The following DCLK2 variants were observed in gnomAD, a reference collection of about 807,000 sequenced individuals.
DCLK2 encodes the protein serine/threonine-protein kinase DCLK2.
A neutral mutation model predicts 78.4 loss-of-function variants in DCLK2; 31 were observed. The observed-to-expected ratio is 0.40, with a 90% CI of 0.30 to 0.53. DCLK2 has a LOEUF of 0.53. Among genes scored for constraint, DCLK2 ranks in the 20% least tolerant of loss-of-function variants. The pLI is 0.61. For missense variants in DCLK2, 872 were observed against 973.7 expected (o/e 0.90, Z 1.39); for synonymous variants, 407 against 374.9 (o/e 1.09, Z -0.99).
chr4:150,224,844 G>A (rs945224027), intron 8 of DCLK2, among the ~76,000 whole-genome samples: 1 of 152,194 alleles, frequency 6.6e-6, no homozygotes, highest in Non-Finnish European at 1.5e-5. Context: ...GGTGCGTCAA[G>A]AACTCTGAGG....
At chr4:150,150,568 A>G (rs1734812597) in intron 2 of DCLK2, among the ~76,000 whole-genome samples, 1 of 152,234 alleles carries the variant, frequency 6.6e-6, no homozygotes, top group Non-Finnish European at 1.5e-5. Flanking sequence ...TGATAAATGT[A>G]GCATTTATTT....
At chr4:150,137,144 C>A in intron 2 of DCLK2, among the ~76,000 whole-genome samples, 1 of 151,892 alleles carries the variant, frequency 6.6e-6, no homozygotes, top group East Asian at 1.9e-4. Context: ...CATGCCCAGT[C>A]TATTTATTAT....
chr4:150,247,778 G>A (rs1743444914), intron 13 of DCLK2, 79 bp downstream of exon 13: 2 of 1,100,994 alleles, frequency 1.8e-6, no homozygotes, highest in Non-Finnish European at 2.7e-6. Flanking sequence ...AGCTGCGCTA[G>A]GTATTGCATT....
intron 1 of DCLK2, among the ~76,000 whole-genome samples, chr4:150,099,932 G>C (rs1371049455): frequency 6.6e-6 from 1 of 152,070 alleles, no homozygotes; most frequent in Non-Finnish European, 1.5e-5. Context: ...TGCTTTATGG[G>C]GACAGGATCT....
At chr4:150,212,196 A>G (rs1300070947) in intron 5 of DCLK2, among the ~76,000 whole-genome samples, 3 of 152,200 alleles carry the variant, frequency 2.0e-5, no homozygotes, top group Admixed American at 6.5e-5. Flanking sequence ...ACATTATCCA[A>G]CATCTTGAGA....
intron 12 of DCLK2, among the ~76,000 whole-genome samples, chr4:150,246,965 A>G (rs978487866): frequency 1.3e-5 from 2 of 152,118 alleles, no homozygotes; most frequent in South Asian, 4.2e-4. Flanking sequence ...TCCAAGAGTG[A>G]ACTAATTATT....
At position 150,247,669 on chromosome 4, in the gene DCLK2, C is replaced by T. The variant is rs568109662; in HGVS notation, c.1845C>T (p.Pro615=). Residue 615 remains proline, a synonymous_variant, in exon 13 of 16, where the codon CCC becomes CCT. Transcript: ENST00000296550. The part of the protein sequence containing the change: ...ILAGKLEFPA[P]YWDNITDSAK... ...CTGGGAAGCTGGAGTTTCCGGCCCC[C>T]TACTGGGATAACATCACGGACTCTG... is the stretch of plus-strand genomic sequence containing the variant. 3.7e-6 allele frequency: 6 copies of T among 1,614,094 alleles called. No individual in the cohort carries two copies. In the African/African-American group the frequency reaches 6.7e-5, roughly 18 times the overall value.
chr4:150,183,954 G>A (rs1475174212), intron 2 of DCLK2, among the ~76,000 whole-genome samples: 2 of 151,776 alleles, frequency 1.3e-5, no homozygotes, highest in East Asian at 1.9e-4. Context: ...GGCTGGTCTC[G>A]AACTCCTGAC....
At chr4:150,246,967 C>A (rs895827200) in intron 12 of DCLK2, among the ~76,000 whole-genome samples, 1 of 152,098 alleles carries the variant, frequency 6.6e-6, no homozygotes, top group Non-Finnish European at 1.5e-5. Context: ...CAAGAGTGAA[C>A]TAATTATTTC....
chr4:150,252,731 C>T (rs1744267311), intron 15 of DCLK2, among the ~76,000 whole-genome samples: 1 of 152,202 alleles, frequency 6.6e-6, no homozygotes, highest in Non-Finnish European at 1.5e-5. Context: ...TTATTGTTTG[C>T]AGCTCTGATG....
intron 15 of DCLK2, among the ~76,000 whole-genome samples, chr4:150,255,227 A>G (rs1744472881): frequency 6.6e-6 from 1 of 152,214 alleles, no homozygotes. Context: ...CCTTTCAGCT[A>G]AAGGTGCCTG....
Position 150,191,870 on chromosome 4 carries a change from T to G in DCLK2, c.757-1268T>G, listed in dbSNP as rs1580686140. 2.0e-5 allele frequency among the ~76,000 whole-genome samples: 3 copies of G among 152,158 alleles called. No homozygotes were observed. In the South Asian group the frequency reaches 6.2e-4, roughly 32 times the overall value. Reference sequence around the variant, plus strand: ...TTTTCTAACTCTGTAGTGAGACCTCTTTTTTTCCCCAATGAAAAGCTAAAT... The same window carrying G: ...TTTTCTAACTCTGTAGTGAGACCTCGTTTTTTCCCCAATGAAAAGCTAAAT... On this transcript the variant is annotated intron_variant, in intron 2 of 15. Transcript: ENST00000296550.
At chr4:150,200,976 C>T (rs942607537) in intron 4 of DCLK2, among the ~76,000 whole-genome samples, 11 of 152,116 alleles carry the variant, frequency 7.2e-5, no homozygotes, top group South Asian at 2.1e-4. Context: ...CGCCACCACG[C>T]CTGGCTAATT....
chr4:150,084,558 A>C (rs1729518991), intron 1 of DCLK2, among the ~76,000 whole-genome samples: 1 of 152,208 alleles, frequency 6.6e-6, no homozygotes, highest in African/African-American at 2.4e-5. Flanking sequence ...GTAAGAGGAA[A>C]ATTTTCATTT....
At chr4:150,123,331 T>C (rs1187706668) in intron 2 of DCLK2, among the ~76,000 whole-genome samples, 9 of 152,112 alleles carry the variant, frequency 5.9e-5, no homozygotes, top group Non-Finnish European at 1.2e-4. Flanking sequence ...TTCAGTATTG[T>C]TGTAACATCT....
At chr4:150,079,572 C>A in intron 1 of DCLK2, 124 bp downstream of exon 1, 2 of 1,009,964 alleles carry the variant, frequency 2.0e-6, no homozygotes, top group Non-Finnish European at 2.8e-6. Flanking sequence ...ATGCTTCTGT[C>A]TGCTTCTCTA....
rs550420722 is a variant in DCLK2, at chr4:150,193,313, C to A, written c.859+73C>A. Reference sequence around the variant, plus strand: ...GAAATGAAGGCTTGGGATTTAGCCACTCAGTTGGTGCATGTTAAGAAGTCT... The same window carrying A: ...GAAATGAAGGCTTGGGATTTAGCCAATCAGTTGGTGCATGTTAAGAAGTCT... On this transcript the variant is annotated intron_variant, in intron 3 of 15. Coordinates refer to ENST00000296550, the MANE Select transcript of DCLK2 (RefSeq NM_001040260.4). 37 of 954,500 alleles carry A rather than the reference C, an allele frequency of 3.9e-5. 1 individual carries two copies. The highest frequency in any genetic ancestry group is 5.1e-5 in the Non-Finnish European group (31 of 610,076). 59.1% of individuals were successfully genotyped at this position (954,500 alleles called of 1,614,324 possible). A position where few individuals can be genotyped will look rare whatever the true frequency, so the allele number is the denominator to read the frequency against.
chr4:150,230,137 A>T (rs1234060248), intron 8 of DCLK2, among the ~76,000 whole-genome samples: 1 of 152,236 alleles, frequency 6.6e-6, no homozygotes, highest in East Asian at 1.9e-4. Context: ...TTAGAATATT[A>T]GCCATTGTCA....
rs561318118 is a variant in DCLK2, at chr4:150,156,814, G to T, written c.757-36324G>T. 2.5e-4 allele frequency among the ~76,000 whole-genome samples: 38 copies of T among 151,030 alleles called. No individual in the cohort carries two copies. In the Middle Eastern group the frequency reaches 0.014, roughly 55 times the overall value. Reference sequence around the variant, plus strand: ...ATTTTTTGAGACAGAGTCTTGCTCTGCTACCCAGGCTGGAGTGCAGTGGTG... The same window carrying T: ...ATTTTTTGAGACAGAGTCTTGCTCTTCTACCCAGGCTGGAGTGCAGTGGTG... On this transcript the variant is annotated intron_variant, in intron 2 of 15. Coordinates refer to ENST00000296550, the MANE Select transcript of DCLK2 (RefSeq NM_001040260.4).
Sources: allele counts gnomAD v4.1 joint callset (sites outside exome capture counted in the v4.1 genomes callset), GRCh38; gene constraint gnomAD v4.1.1; transcripts MANE v1.5; gene names NCBI Gene and HGNC (gene_info 2026-07-23, HGNC 2026-07-21).